ITPR2: variants seen among roughly 807,000 people sequenced by gnomAD.
ITPR2 encodes the protein inositol 1,4,5-trisphosphate receptor type 2.
In ITPR2, 207 loss-of-function variants were observed where a neutral mutation model predicts 317.1. That is an observed-to-expected ratio of 0.65 (90% confidence interval 0.58 to 0.73). ITPR2 has a LOEUF of 0.73. Ranked by LOEUF, ITPR2 falls within the 30% of genes least tolerant of loss-of-function variation. ITPR2 has a pLI of 0.00. For synonymous variants in ITPR2, 1,156 were observed against 1,149.1 expected, an observed-to-expected ratio of 1.01 and a Z score of -0.12; for missense variants, 2,613 against 3,284.0, an observed-to-expected ratio of 0.80 and a Z score of 4.99.
intron 21 of ITPR2, among the ~76,000 whole-genome samples, chr12:26,632,510 C>A (rs1946777896): frequency 6.6e-6 from 1 of 152,162 alleles, no homozygotes; most frequent in Non-Finnish European, 1.5e-5. Context: ...ATAATCTGAT[C>A]CTCAAACCAG....
intron 37 of ITPR2, among the ~76,000 whole-genome samples, chr12:26,547,399 A>G (rs960726432): frequency 6.6e-6 from 1 of 152,246 alleles, no homozygotes; most frequent in Non-Finnish European, 1.5e-5. Flanking sequence ...AAGACAAAAA[A>G]ATAACAGACG....
intron 13 of ITPR2, among the ~76,000 whole-genome samples, chr12:26,675,691 T>C (rs990414145): frequency 2.6e-5 from 4 of 151,878 alleles, no homozygotes; most frequent in Admixed American, 1.3e-4. Context: ...AAACTTAAAG[T>C]ATAATAATAA....
chr12:26,632,813 T>C (rs1946783902), intron 21 of ITPR2, among the ~76,000 whole-genome samples: 1 of 152,216 alleles, frequency 6.6e-6, no homozygotes, highest in Non-Finnish European at 1.5e-5. Context: ...TATTTGCTGA[T>C]AAAATGTCAT....
chr12:26,368,005 C>A (rs117274489), intron 55 of ITPR2, among the ~76,000 whole-genome samples: 4,410 of 152,318 alleles, frequency 0.029, 108 homozygotes, highest in Middle Eastern at 0.058. Flanking sequence ...TCACAGCCAA[C>A]TGAACCATGC....
At chr12:26,375,524 C>T (rs7958451) in intron 55 of ITPR2, among the ~76,000 whole-genome samples, 148,575 of 152,300 alleles carry the variant, frequency 0.98, 72,589 homozygotes, top group Non-Finnish European at 1. Flanking sequence ...AGAGCCCCAC[C>T]ATGAAAACTG....
At chr12:26,452,730 G>A (rs1941770608) in intron 45 of ITPR2, among the ~76,000 whole-genome samples, 2 of 152,280 alleles carry the variant, frequency 1.3e-5, no homozygotes, top group African/African-American at 4.8e-5. Flanking sequence ...CTTTGCCATG[G>A]TAGCACACGC....
intron 37 of ITPR2, among the ~76,000 whole-genome samples, chr12:26,538,855 G>T (rs545704174): frequency 1.3e-5 from 2 of 152,148 alleles, no homozygotes; most frequent in Non-Finnish European, 2.9e-5. Flanking sequence ...GATTACAGGC[G>T]TGAGCCACTG....
rs565702734 is a variant in ITPR2, at chr12:26,563,338, G to A, written c.4631-1386C>T. 6.6e-5 allele frequency among the ~76,000 whole-genome samples: 10 copies of A among 152,324 alleles called. No individual in the cohort carries two copies. The East Asian group carries it at 9.6e-4, about 15-fold the overall frequency. On this transcript the variant is annotated intron_variant, in intron 34 of 56. Transcript: ENST00000381340. ...TGTAATCCCAGCACTTTGGGAGGCCGAGGCAGGCGGATCACAAGGTCAGGA... is the reference window on the plus strand; with the variant it reads ...TGTAATCCCAGCACTTTGGGAGGCCAAGGCAGGCGGATCACAAGGTCAGGA...
intron 25 of ITPR2, 84 bp downstream of exon 25, chr12:26,622,156 C>G: frequency 7.9e-7 from 1 of 1,267,140 alleles, no homozygotes; most frequent in Non-Finnish European, 1.1e-6. Context: ...GTGTCATTAC[C>G]TCTGCAGCCA....
intron 45 of ITPR2, among the ~76,000 whole-genome samples, chr12:26,474,026 T>C (rs1455797090): frequency 3.9e-5 from 6 of 152,250 alleles, no homozygotes; most frequent in Non-Finnish European, 8.8e-5. Context: ...AATAGTGGTG[T>C]CTTTTGTTAG....
At chr12:26,797,081 T>C (rs1950459242) in intron 1 of ITPR2, among the ~76,000 whole-genome samples, 1 of 152,026 alleles carries the variant, frequency 6.6e-6, no homozygotes, top group Admixed American at 6.6e-5. Flanking sequence ...TTTCATACAG[T>C]AGAAAACTAC....
chr12:26,725,744 G>A lies in ITPR2; in HGVS notation c.185C>T (p.Pro62Leu). The change falls in exon 3 of 57, where the codon CCT (proline) becomes CTT (leucine). Residue 62 changes from proline (P) to leucine (L), a missense_variant. By Grantham distance (98) the Pro-to-Leu change is moderately conservative. This residue lies in a region of ITPR2 where 515 missense variants were observed against 789.4 expected (regional missense o/e 0.65). Transcript: ENST00000381340. ...CTTCTGGGCAGAATATCTGTTCATA[G>A]GGCACACCTTGAAAAGGCAGTCTGT... is the stretch of plus-strand genomic sequence containing the variant. ...KFRDCLFKVC[P>L]MNRYSAQKQY... The A allele has an allele frequency of 1.9e-6, 3 of 1,612,746 alleles. No homozygotes were observed. The highest frequency in any genetic ancestry group is 2.5e-6 in the Non-Finnish European group (3 of 1,179,078).
chr12:26,605,311 T>C (rs1278478041), intron 26 of ITPR2, among the ~76,000 whole-genome samples: 1 of 151,882 alleles, frequency 6.6e-6, no homozygotes, highest in African/African-American at 2.4e-5. Flanking sequence ...AAGTAGAAAC[T>C]GCAAAAGCTA....
At chr12:26,776,097 TA>T (rs1417682996) in intron 2 of ITPR2, among the ~76,000 whole-genome samples, 1 of 151,716 alleles carries the variant, frequency 6.6e-6, no homozygotes, top group Non-Finnish European at 1.5e-5. Context: ...TTAATATGAT[TA>T]GACCCAAAAA....
At chr12:26,409,013 C>A (rs1565510326) in intron 52 of ITPR2, among the ~76,000 whole-genome samples, 1 of 152,074 alleles carries the variant, frequency 6.6e-6, no homozygotes. Context: ...TAATTTTACC[C>A]AGCTATTTCA....
chr12:26,715,228 AAAC>A lies in ITPR2; in HGVS notation c.855+68_855+70del, dbSNP rs564933973. On this transcript the variant is annotated intron_variant, in intron 8 of 56. Coordinates refer to ENST00000381340, the MANE Select transcript of ITPR2 (RefSeq NM_002223.4). ...ATCATAAATGATGCCTATAACAATA[AAAC>A]AACAAGCCCAGTGAATCTTCTCTTT... 334 of 1,370,116 alleles carry A rather than the reference AAAC, an allele frequency of 2.4e-4. 1 individual carries two copies. The African/African-American group carries it at 4.3e-3, about 18-fold the overall frequency. The allele number at this position is 1,370,116 out of a possible 1,614,324, so 84.9% of individuals were successfully genotyped here.
chr12:26,582,316 A>G (rs1375599393), intron 32 of ITPR2, among the ~76,000 whole-genome samples: 1 of 152,136 alleles, frequency 6.6e-6, no homozygotes, highest in African/African-American at 2.4e-5. Context: ...TCTCTTTACA[A>G]TAGATTGGCC....
rs573517575 is a variant in ITPR2, at chr12:26,435,534, T to C, written c.6769+687A>G. The stretch of plus-strand genomic sequence containing the variant: ...GCCCAAGCCTGTAACATACTTCCCA[T>C]GCTCTCCACCAAACTTATACAAAAC... On this transcript the variant is annotated intron_variant, in intron 48 of 56. Coordinates refer to ENST00000381340, the MANE Select transcript of ITPR2 (RefSeq NM_002223.4). Among the ~76,000 whole-genome samples, 5 of 152,290 alleles carry C rather than the reference T, an allele frequency of 3.3e-5. No individual in the cohort carries two copies. The East Asian group carries it at 9.6e-4, about 29-fold the overall frequency.
chr12:26,492,608 A>C (rs1259366056), intron 39 of ITPR2, among the ~76,000 whole-genome samples: 2 of 152,150 alleles, frequency 1.3e-5, no homozygotes, highest in Non-Finnish European at 2.9e-5. Flanking sequence ...TTTATATATC[A>C]CATTTTTAAA....
Sources: allele counts gnomAD v4.1 joint callset (sites outside exome capture counted in the v4.1 genomes callset), GRCh38; gene constraint gnomAD v4.1.1; regional missense constraint gnomAD v4.1.1; transcripts MANE v1.5; gene names NCBI Gene and HGNC (gene_info 2026-07-23, HGNC 2026-07-21).